The following TMEM134 variants were observed in gnomAD, a reference collection of about 807,000 sequenced individuals.
The protein encoded by TMEM134 is transmembrane protein 134.
TMEM134 carries 36 observed loss-of-function variants against 26.2 expected under a neutral mutation model. The ratio of observed to expected loss-of-function variants is 1.37; its 90% confidence interval spans 1.05 to 1.81. The LOEUF is 1.81. Among genes scored for constraint, TMEM134 ranks in the 40% most tolerant of loss-of-function variants. TMEM134 has a pLI of 0.00. For missense variants in TMEM134, 339 were observed against 263.5 expected, an observed-to-expected ratio of 1.29 and a Z score of -1.98; for synonymous variants, 133 against 113.6, an observed-to-expected ratio of 1.17 and a Z score of -1.08.
At position 67,469,048 on chromosome 11, in the gene TMEM134, C is replaced by T. The variant is rs557106778; in HGVS notation, c.145G>A (p.Glu49Lys). ...ERRARFEVAD[E>K]DKQSRLRYQN... ...TAGCGCAGCCGGGACTGCTTGTCCT[C>T]GTCAGCCACCTCGAACCGGGCCCGA... Residue 49 changes from glutamate (E) to lysine (K), a missense_variant, in exon 1 of 7, where the codon GAG (glutamate) becomes AAG (lysine). Glu to Lys is a moderately conservative substitution (Grantham distance 56). Transcript: ENST00000308022. 11 of 1,514,962 alleles carry T rather than the reference C, an allele frequency of 7.3e-6. No homozygotes were observed. Among genetic ancestry groups the T allele is most frequent in the African/African-American group, 5.7e-5 (4 of 69,690 alleles). 93.8% of individuals were successfully genotyped at this position (1,514,962 alleles called of 1,614,324 possible).
chr11:67,465,079 C>A lies in TMEM134; in HGVS notation c.428G>T (p.Gly143Val). The change falls in exon 5 of 7, where the codon GGA becomes GTA. Residue 143 changes from glycine (G) to valine (V), a missense_variant. Physicochemically the swap from Gly to Val is moderately radical, Grantham distance 109. Transcript: ENST00000308022. The part of the protein sequence containing the change: ...LGLVLILVGV[G>V]LEATPSPGVS... ...ACCTGGAGAGGGGGTCGCCTCCAGT[C>A]CCACGCCGACCAGGATCAGCACTGC... 1 of 1,586,548 alleles carries A rather than the reference C, an allele frequency of 6.3e-7. No individual in the cohort carries two copies. Among genetic ancestry groups the A allele is most frequent in the Non-Finnish European group, 8.5e-7 (1 of 1,170,264 alleles).
At position 67,468,035 on chromosome 11, in the gene TMEM134, C is replaced by T. The variant is rs577820760; in HGVS notation, c.232G>A (p.Gly78Ser). Reference protein sequence around the residue: ...QASPEPDGGVGTRDSSRTSIR... With the variant: ...QASPEPDGGVSTRDSSRTSIR... Reference sequence around the variant, plus strand: ...TCCCCACCTGGCCCTAACCTGGTGCCGACTCCCCCATCCGGCTCCGGAGAG... The same window carrying T: ...TCCCCACCTGGCCCTAACCTGGTGCTGACTCCCCCATCCGGCTCCGGAGAG... Residue 78 changes from glycine to serine, a missense_variant, in exon 2 of 7, where the codon GGC (glycine) becomes AGC (serine). Physicochemically the swap from Gly to Ser is moderately conservative, Grantham distance 56. Transcript: ENST00000308022. 9.0e-6 allele frequency: 14 copies of T among 1,558,244 alleles called. No individual in the cohort carries two copies. Among genetic ancestry groups the T allele is most frequent in the Admixed American group, 3.8e-5 (2 of 51,966 alleles).
Position 67,467,582 on chromosome 11 carries a change from C to T in TMEM134, c.248G>A (p.Ser83Asn). 1 of 1,613,980 alleles carries T rather than the reference C, an allele frequency of 6.2e-7. No homozygotes were observed. Among genetic ancestry groups the T allele is most frequent in the Non-Finnish European group, 8.5e-7 (1 of 1,180,020 alleles). The change falls in exon 3 of 7, where the codon AGC (serine) becomes AAC (asparagine). Residue 83 changes from serine (S) to asparagine (N), a missense_variant. Coordinates refer to ENST00000308022, the MANE Select transcript of TMEM134 (RefSeq NM_025124.4). The stretch of plus-strand genomic sequence containing the variant: ...CTGGGAGCTGCGGATGGAAGTTCGG[C>T]TGGAATCCCTGCCAGGACAGGCGCC... ...PDGGVGTRDS[S>N]RTSIRSSQWS...
At position 67,469,112 on chromosome 11, in the gene TMEM134, G is replaced by A. The variant is rs1033106001; in HGVS notation, c.81C>T (p.Ser27=). The part of the protein sequence containing the change: ...SLEDGGPGPE[S]SGVARFGPLH... ...GCGGCCCAAAGCGCGCGACCCCGCT[G>A]GACTCGGGCCCAGGGCCCCCGTCCT... The change falls in exon 1 of 7, where the codon TCC becomes TCT. Residue 27 remains serine, a synonymous_variant. Coordinates refer to ENST00000308022, the MANE Select transcript of TMEM134 (RefSeq NM_025124.4). 3 of 1,506,594 alleles carry A rather than the reference G, an allele frequency of 2.0e-6. No individual in the cohort carries two copies. The highest frequency in any genetic ancestry group is 2.9e-5 in the African/African-American group (2 of 69,088). The allele number at this position is 1,506,594 out of a possible 1,614,324, so 93.3% of individuals were successfully genotyped here. A position where few individuals can be genotyped will look rare whatever the true frequency, so the allele number is the denominator to read the frequency against.
intron 2 of TMEM134, 99 bp from the exon 3 acceptor site, chr11:67,467,689 G>A (rs1031686322): frequency 4.8e-6 from 6 of 1,246,738 alleles, no homozygotes; most frequent in African/African-American, 1.5e-5. Context: ...CAGGGACTGG[G>A]GCTGGCCCCT....
intron 4 of TMEM134, 65 bp from the exon 5 acceptor site, chr11:67,465,165 C>T (rs1366928512): frequency 9.8e-6 from 15 of 1,534,812 alleles, no homozygotes; most frequent in Non-Finnish European, 1.3e-5. Context: ...GCTCCCACCC[C>T]CAGCCCGGCT....
At position 67,469,217 on chromosome 11, in the gene TMEM134, GCGCCGCCGCCA is replaced by G. The variant is rs1167534475; in HGVS notation, c.-36_-26del. 1 of 1,258,428 alleles carries G rather than the reference GCGCCGCCGCCA, an allele frequency of 7.9e-7. No homozygotes were observed. Among genetic ancestry groups the G allele is most frequent in the East Asian group, 3.2e-5 (1 of 31,710 alleles). 78.0% of individuals were successfully genotyped at this position (1,258,428 alleles called of 1,614,324 possible). A position where few individuals can be genotyped will look rare whatever the true frequency, so the allele number is the denominator to read the frequency against. On this transcript the variant is annotated 5_prime_UTR_variant, in exon 1 of 7. The change abolishes an upstream ATG in the 5' untranslated region. Coordinates refer to ENST00000308022, the MANE Select transcript of TMEM134 (RefSeq NM_025124.4). The stretch of plus-strand genomic sequence containing the variant: ...TGGCCCCGGCCCGCTCAGGCGCCGT[GCGCCGCCGCCA>G]TCTGCGCCCACACACCCAGCGTCGC...
chr11:67,468,607 T>G (rs1865436872), intron 1 of TMEM134, among the ~76,000 whole-genome samples: 1 of 152,082 alleles, frequency 6.6e-6, no homozygotes, highest in Non-Finnish European at 1.5e-5. Flanking sequence ...GCTTTCAGAA[T>G]AGAGAAAGGC....
At chr11:67,468,996 G>A (rs1398417811) in intron 1 of TMEM134, 23 bp downstream of exon 1, 4 of 1,476,802 alleles carry the variant, frequency 2.7e-6, no homozygotes, top group East Asian at 2.9e-5. Flanking sequence ...GGGGCAGGGG[G>A]TTAGGTGGGC....
In TMEM134 at chr11:67,467,594, C is replaced by T; in HGVS notation, c.240-4G>A. 6.2e-7 allele frequency: 1 copy of T among 1,613,784 alleles called. No homozygotes were observed. Among genetic ancestry groups the T allele is most frequent in the Non-Finnish European group, 8.5e-7 (1 of 1,179,992 alleles). ...GATGGAAGTTCGGCTGGAATCCCTG[C>T]CAGGACAGGCGCCCAGTGAGGGGCA... On this transcript the variant is annotated splice_region_variant and splice_polypyrimidine_tract_variant and intron_variant, in intron 2 of 6. Transcript: ENST00000308022.
chr11:67,465,057 T>G lies in TMEM134; in HGVS notation c.450A>C (p.Pro150=). 1.3e-6 allele frequency: 2 copies of G among 1,581,594 alleles called. No individual in the cohort carries two copies. The highest frequency in any genetic ancestry group is 8.6e-7 in the Non-Finnish European group (1 of 1,168,134). ...VGVGLEATPS[P]GVSSAIFFVP... ...TGTGGGGGCGGGAGGGTCGCTCACCTGGAGAGGGGGTCGCCTCCAGTCCCA... is the reference window on the plus strand; with the variant it reads ...TGTGGGGGCGGGAGGGTCGCTCACCGGGAGAGGGGGTCGCCTCCAGTCCCA... Residue 150 remains proline, a splice_region_variant and synonymous_variant, in exon 5 of 7, where the codon CCA becomes CCC. Coordinates refer to ENST00000308022, the MANE Select transcript of TMEM134 (RefSeq NM_025124.4).
Position 67,464,677 on chromosome 11 carries a change from G to C in TMEM134, c.525C>G (p.Ile175Met), listed in dbSNP as rs200335850. Residue 175 changes from isoleucine to methionine, a missense_variant, in exon 7 of 7, where the codon ATC (isoleucine) becomes ATG (methionine). By Grantham distance (10) the Ile-to-Met change is conservative. Coordinates refer to ENST00000308022, the MANE Select transcript of TMEM134 (RefSeq NM_025124.4). ...LVPGVYHVIF[I>M]YCAVKGHRGF... ...CCCGGTGGCCCTTGACCGCGCAGTA[G>C]ATGAAGATCACGTGATAGACTGCGG... The C allele has an allele frequency of 9.0e-6, 14 of 1,553,748 alleles. No homozygotes were observed. In the African/African-American group the frequency reaches 1.6e-4, roughly 18 times the overall value.
intron 3 of TMEM134, 46 bp downstream of exon 3, chr11:67,467,455 G>T (rs1865336956): frequency 6.2e-7 from 1 of 1,611,794 alleles, no homozygotes; most frequent in Admixed American, 1.7e-5. Context: ...GGCTGTGGGG[G>T]TGGAGCCAGG....
intron 4 of TMEM134, 154 bp from the exon 5 acceptor site, chr11:67,465,254 G>GC: frequency 6.6e-7 from 1 of 1,506,284 alleles, no homozygotes; most frequent in Non-Finnish European, 8.8e-7. Flanking sequence ...CCAGAGCAAG[G>GC]CACTGAGCAG....
Position 67,464,355 on chromosome 11 carries a change from T to C in TMEM134, c.*259A>G. 1 of 562,470 alleles carries C rather than the reference T, an allele frequency of 1.8e-6. No individual in the cohort carries two copies. The highest frequency in any genetic ancestry group is 3.2e-6 in the Non-Finnish European group (1 of 314,274). 34.8% of individuals were successfully genotyped at this position (562,470 alleles called of 1,614,324 possible). On this transcript the variant is annotated 3_prime_UTR_variant, in exon 7 of 7. Transcript: ENST00000308022. ...AGGACAGGAGGAGAGCAATTGCCTC[T>C]GGTGGAATTAATTACTCTTTTATTA... is the stretch of plus-strand genomic sequence containing the variant.
At chr11:67,465,248 A>G in intron 4 of TMEM134, 148 bp from the exon 5 acceptor site, 2 of 1,514,572 alleles carry the variant, frequency 1.3e-6, no homozygotes, top group Non-Finnish European at 1.8e-6. Context: ...CTGTTTCCAG[A>G]GCAAGGCACT....
rs1469566931 is a variant in TMEM134, at chr11:67,469,194, G to T, written c.-2C>A. 17 of 1,297,086 alleles carry T rather than the reference G, an allele frequency of 1.3e-5. No individual in the cohort carries two copies. Among genetic ancestry groups the T allele is most frequent in the Non-Finnish European group, 1.6e-5 (16 of 1,016,898 alleles). 80.3% of individuals were successfully genotyped at this position (1,297,086 alleles called of 1,614,324 possible). ...GAACTGGGGCCGGGCGGCGCTCATG[G>T]CCCCGGCCCGCTCAGGCGCCGTGCG... On this transcript the variant is annotated 5_prime_UTR_variant, in exon 1 of 7. Transcript: ENST00000308022.
chr11:67,464,959 G>T, intron 5 of TMEM134, 97 bp downstream of exon 5: 3 of 1,530,878 alleles, frequency 2.0e-6, no homozygotes, highest in Non-Finnish European at 2.7e-6. Flanking sequence ...CAGCTGAAAA[G>T]GAGCCGTGTA....
chr11:67,468,656 G>A (rs569454603), intron 1 of TMEM134, among the ~76,000 whole-genome samples: 2 of 152,150 alleles, frequency 1.3e-5, no homozygotes, highest in Non-Finnish European at 2.9e-5. Context: ...TGGGGCACAG[G>A]GGATGCTCCT....
Sources: allele counts gnomAD v4.1 joint callset (sites outside exome capture counted in the v4.1 genomes callset), GRCh38; gene constraint gnomAD v4.1.1; transcripts MANE v1.5; gene names NCBI Gene and HGNC (gene_info 2026-07-23, HGNC 2026-07-21).